SLC26A4: variants seen among roughly 807,000 people sequenced by gnomAD.
SLC26A4 encodes solute carrier family 26 member 4.
SLC26A4 carries 93 observed loss-of-function variants against 90.4 expected under a neutral mutation model. That is an observed-to-expected ratio of 1.03 (90% confidence interval 0.87 to 1.22). The LOEUF is 1.22. Ranked by LOEUF, SLC26A4 falls within the 50% of genes most tolerant of loss-of-function variation. The pLI, the probability that SLC26A4 is intolerant of heterozygous loss-of-function variation, is 0.00. For missense variants in SLC26A4, 1,127 were observed against 946.2 expected, an observed-to-expected ratio of 1.19 and a Z score of -2.51; for synonymous variants, 393 against 354.6, an observed-to-expected ratio of 1.11 and a Z score of -1.22.
At chr7:107,683,139 C>A in intron 6 of SLC26A4, 63 bp from the exon 7 acceptor site, 1 of 1,118,136 alleles carries the variant, frequency 8.9e-7, no homozygotes, top group Non-Finnish European at 1.3e-6. Flanking sequence ...TGTGTGTGTG[C>A]GTGTGTGTGT....
At chr7:107,676,604 T>C (rs1415148309) in intron 6 of SLC26A4, among the ~76,000 whole-genome samples, 1 of 152,184 alleles carries the variant, frequency 6.6e-6, no homozygotes, top group Admixed American at 6.5e-5. Context: ...TCATCCTAGC[T>C]TGGGGGGAAT....
chr7:107,669,331 T>C (rs1262184202), intron 3 of SLC26A4, among the ~76,000 whole-genome samples: 1 of 152,188 alleles, frequency 6.6e-6, no homozygotes, highest in Non-Finnish European at 1.5e-5. Context: ...GATTCCAGTA[T>C]ATTTGAGTAG....
intron 10 of SLC26A4, chr7:107,693,644 C>A: frequency 1.0e-6 from 1 of 986,376 alleles, no homozygotes; most frequent in Non-Finnish European, 1.2e-6. Flanking sequence ...CCCACCCCCT[C>A]AGCCTCTCTC....
At position 107,698,255 on chromosome 7, in the gene SLC26A4, T is replaced by C; in HGVS notation, c.1614+144T>C. On this transcript the variant is annotated intron_variant, in intron 14 of 20. Coordinates refer to ENST00000644269, the MANE Select transcript of SLC26A4 (RefSeq NM_000441.2). ...TCCACAGGGAGTGTCATGAAAACTT[T>C]TGATCCAGTGCACCTTCTGACACCC... 4 of 709,420 alleles carry C rather than the reference T, an allele frequency of 5.6e-6. No homozygotes were observed. In the Admixed American group the frequency reaches 6.2e-5, roughly 11 times the overall value. 43.9% of individuals were successfully genotyped at this position (709,420 alleles called of 1,614,324 possible). A position where few individuals can be genotyped will look rare whatever the true frequency, so the allele number is the denominator to read the frequency against.
At chr7:107,684,671 T>C (rs974609136) in intron 8 of SLC26A4, among the ~76,000 whole-genome samples, 9 of 152,200 alleles carry the variant, frequency 5.9e-5, no homozygotes, top group African/African-American at 1.9e-4. Flanking sequence ...CCCAAACCTA[T>C]TGAATCAGGC....
chr7:107,691,220 A>G (rs1006232008), intron 10 of SLC26A4, among the ~76,000 whole-genome samples: 3 of 151,538 alleles, frequency 2.0e-5, no homozygotes, highest in Admixed American at 1.3e-4. Flanking sequence ...AATAAATATA[A>G]GTCGGGCACA....
At chr7:107,707,814 G>C (rs1584342621) in intron 18 of SLC26A4, among the ~76,000 whole-genome samples, 1 of 152,140 alleles carries the variant, frequency 6.6e-6, no homozygotes, top group Non-Finnish European at 1.5e-5. Flanking sequence ...GATTCTTTAA[G>C]AAATTCCAGG....
At chr7:107,714,511 T>C (rs1367710418) in intron 20 of SLC26A4, among the ~76,000 whole-genome samples, 1 of 152,182 alleles carries the variant, frequency 6.6e-6, no homozygotes, top group Non-Finnish European at 1.5e-5. Context: ...GAAGTCCTTT[T>C]AGCTCCAGTA....
chr7:107,673,721 GT>G (rs1790936094), intron 4 of SLC26A4, among the ~76,000 whole-genome samples: 1 of 151,968 alleles, frequency 6.6e-6, no homozygotes, highest in South Asian at 2.1e-4. Context: ...AGATATCTGC[GT>G]TTTTAGCTTC....
Position 107,679,892 on chromosome 7 carries a change from ATATAATC to A in SLC26A4, c.766-3308_766-3302del, listed in dbSNP as rs1162980599. Among the ~76,000 whole-genome samples, 40 of 84,310 alleles carry A rather than the reference ATATAATC, an allele frequency of 4.7e-4. 3 individuals carry two copies. The highest frequency in any genetic ancestry group is 3.4e-3 in the African/African-American group (35 of 10,374). 55.3% of individuals were successfully genotyped at this position (84,310 alleles called of 152,430 possible). On this transcript the variant is annotated intron_variant, in intron 6 of 20. Coordinates refer to ENST00000644269, the MANE Select transcript of SLC26A4 (RefSeq NM_000441.2). ...ATCTTATATTATATAATCTTATCTTATATAATCTTATATTATATGCTCTTATATAATA... is the reference window on the plus strand; with the variant it reads ...ATCTTATATTATATAATCTTATCTTATTATATTATATGCTCTTATATAATA...
At chr7:107,685,289 C>T (rs902216003) in intron 8 of SLC26A4, among the ~76,000 whole-genome samples, 1 of 152,148 alleles carries the variant, frequency 6.6e-6, no homozygotes, top group African/African-American at 2.4e-5. Context: ...TCTGATCTCA[C>T]TTGGTAGCAC....
chr7:107,682,336 C>CA (rs936334347), intron 6 of SLC26A4, among the ~76,000 whole-genome samples: 2 of 150,478 alleles, frequency 1.3e-5, no homozygotes, highest in African/African-American at 4.9e-5. Flanking sequence ...AATTTAAAAA[C>CA]AAAAAACAGA....
intron 20 of SLC26A4, among the ~76,000 whole-genome samples, chr7:107,715,066 T>TAAAAAAAAAAAA (rs543905042): frequency 4.5e-4 from 44 of 98,658 alleles, no homozygotes; most frequent in African/African-American, 1.3e-3. Flanking sequence ...CCATCTCTAC[T>TAAAAAAAAAAAA]AAAAAAAAAA....
chr7:107,675,746 G>A (rs1418893840), intron 6 of SLC26A4, among the ~76,000 whole-genome samples: 1 of 151,730 alleles, frequency 6.6e-6, no homozygotes, highest in African/African-American at 2.4e-5. Flanking sequence ...GCTAATTTTT[G>A]TATATTTAGT....
chr7:107,710,766 T>C (rs2129320074), intron 19 of SLC26A4, among the ~76,000 whole-genome samples: 1 of 152,322 alleles, frequency 6.6e-6, no homozygotes, highest in South Asian at 2.1e-4. Flanking sequence ...CCCATGGGTA[T>C]TATTTTGTTA....
At chr7:107,689,482 G>T (rs1000332830) in intron 9 of SLC26A4, among the ~76,000 whole-genome samples, 1 of 152,174 alleles carries the variant, frequency 6.6e-6, no homozygotes, top group African/African-American at 2.4e-5. Context: ...AGGTCAGAAA[G>T]AGAATTCTTC....
chr7:107,676,130 G>C (rs770548102), intron 6 of SLC26A4, among the ~76,000 whole-genome samples: 2 of 152,080 alleles, frequency 1.3e-5, no homozygotes, highest in Non-Finnish European at 2.9e-5. Flanking sequence ...TCATATTCTG[G>C]CTCTACTGTC....
At chr7:107,703,120 G>A (rs1041364895) in intron 17 of SLC26A4, among the ~76,000 whole-genome samples, 9 of 152,228 alleles carry the variant, frequency 5.9e-5, no homozygotes, top group African/African-American at 1.7e-4. Context: ...TTCTACCTAC[G>A]TGGGACTTAG....
chr7:107,715,066 TAAAA>T, intron 20 of SLC26A4, among the ~76,000 whole-genome samples: 1 of 98,676 alleles, frequency 1.0e-5, no homozygotes, highest in African/African-American at 3.5e-5. Flanking sequence ...CCATCTCTAC[TAAAA>T]AAAAAAAAAA....
Sources: gnomAD v4.1 joint callset for allele counts (sites outside exome capture counted in the v4.1 genomes callset) on GRCh38, gnomAD v4.1.1 for gene constraint, MANE v1.5 for transcripts, NCBI Gene and HGNC (gene_info 2026-07-23, HGNC 2026-07-21) for gene names.